The following QTMAN variants were observed in gnomAD, a reference collection of about 807,000 sequenced individuals.
QTMAN encodes queuosine-tRNA mannosyltransferase.
the QTMAN span, among the ~76,000 whole-genome samples, chr2:144,050,561 C>T: frequency 6.6e-6 from 1 of 152,060 alleles, no homozygotes; most frequent in African/African-American, 2.4e-5. Context: ...GTAATGGTAA[C>T]AGATTTATAA....
At chr2:144,260,201 T>A in the QTMAN span, among the ~76,000 whole-genome samples, 1 of 152,284 alleles carries the variant, frequency 6.6e-6, no homozygotes, top group South Asian at 2.1e-4. Flanking sequence ...TTACTGTAAT[T>A]CTTTTAATTT....
chr2:144,212,033 C>T, the QTMAN span, among the ~76,000 whole-genome samples: 4 of 152,200 alleles, frequency 2.6e-5, no homozygotes, highest in African/African-American at 9.7e-5. Flanking sequence ...TAGAAGGAGG[C>T]TGTGGTCAAG....
chr2:144,109,672 T>A, the QTMAN span, among the ~76,000 whole-genome samples: 4 of 151,300 alleles, frequency 2.6e-5, 1 homozygote, highest in Non-Finnish European at 5.9e-5. Context: ...ATATCCAGAA[T>A]CTACAATAAC....
chr2:144,229,896 A>G, the QTMAN span, among the ~76,000 whole-genome samples: 6 of 152,166 alleles, frequency 3.9e-5, no homozygotes, highest in Non-Finnish European at 7.4e-5. Context: ...ACAATGCTAC[A>G]TTCTTTTTCC....
At chr2:144,135,282 C>T in the QTMAN span, among the ~76,000 whole-genome samples, 1 of 152,136 alleles carries the variant, frequency 6.6e-6, no homozygotes, top group Non-Finnish European at 1.5e-5. Flanking sequence ...TGCGCAGATG[C>T]AGCCTGCTCC....
chr2:144,147,442 T>C, the QTMAN span, among the ~76,000 whole-genome samples: 9 of 151,960 alleles, frequency 5.9e-5, no homozygotes, highest in Non-Finnish European at 1.2e-4. Flanking sequence ...CATGAAGATA[T>C]TTGTTTACCT....
At chr2:144,208,963 CACTT>C in the QTMAN span, among the ~76,000 whole-genome samples, 2 of 152,082 alleles carry the variant, frequency 1.3e-5, no homozygotes, top group African/African-American at 2.4e-5. Flanking sequence ...AAGTATATAA[CACTT>C]AAAGTTTTAT....
chr2:144,323,838 A>G, the QTMAN span, among the ~76,000 whole-genome samples: 1 of 152,276 alleles, frequency 6.6e-6, no homozygotes, highest in South Asian at 2.1e-4. Context: ...CTCACCCTAA[A>G]CCTATTAGTT....
At chr2:144,185,052 G>A in the QTMAN span, among the ~76,000 whole-genome samples, 4 of 151,898 alleles carry the variant, frequency 2.6e-5, no homozygotes, top group South Asian at 2.1e-4. Flanking sequence ...CAAATGATAC[G>A]GTATGTGAGA....
chr2:144,322,379 G>C, the QTMAN span, among the ~76,000 whole-genome samples: 1 of 152,136 alleles, frequency 6.6e-6, no homozygotes, highest in East Asian at 1.9e-4. Flanking sequence ...TAAAAACTTA[G>C]TAAGATAACA....
chr2:144,138,510 G>A, the QTMAN span, among the ~76,000 whole-genome samples: 369 of 152,130 alleles, frequency 2.4e-3, 5 homozygotes, highest in African/African-American at 8.5e-3. Flanking sequence ...CAGAAGAAAG[G>A]AAAATTGATG....
At chr2:144,301,548 CTA>C in the QTMAN span, among the ~76,000 whole-genome samples, 32 of 152,146 alleles carry the variant, frequency 2.1e-4, no homozygotes, top group African/African-American at 7.2e-4. Flanking sequence ...AATTAACAAA[CTA>C]TGAATTTCCA....
At chr2:144,016,726 AG>A in the QTMAN span, among the ~76,000 whole-genome samples, 2 of 152,162 alleles carry the variant, frequency 1.3e-5, no homozygotes, top group Non-Finnish European at 2.9e-5. Context: ...AACAAATATA[AG>A]AATTCCCCTA....
chr2:144,253,367 GA>G, the QTMAN span, among the ~76,000 whole-genome samples: 2 of 152,118 alleles, frequency 1.3e-5, no homozygotes, highest in African/African-American at 4.8e-5. Flanking sequence ...AAAGACAGCA[GA>G]AAATGTGGAA....
At chr2:144,028,834 T>C in the QTMAN span, among the ~76,000 whole-genome samples, 1 of 152,250 alleles carries the variant, frequency 6.6e-6, no homozygotes, top group Non-Finnish European at 1.5e-5. Flanking sequence ...GTTTTACTTG[T>C]ATTTTGCTTG....
At chr2:144,263,671 C>T in the QTMAN span, among the ~76,000 whole-genome samples, 11 of 152,184 alleles carry the variant, frequency 7.2e-5, no homozygotes, top group East Asian at 3.9e-4. Context: ...TGCAGTGAGC[C>T]GAGATTGTGC....
At chr2:144,220,896 T>C in the QTMAN span, among the ~76,000 whole-genome samples, 8 of 152,236 alleles carry the variant, frequency 5.3e-5, no homozygotes, top group Admixed American at 2.6e-4. Context: ...ATTACCCTTG[T>C]TCAATGTACC....
At chr2:144,246,151 T>C in the QTMAN span, among the ~76,000 whole-genome samples, 2 of 152,210 alleles carry the variant, frequency 1.3e-5, no homozygotes, top group Non-Finnish European at 2.9e-5. Context: ...TATGAGTACA[T>C]ATGCACATGG....
At chr2:144,098,327 A>G in the QTMAN span, among the ~76,000 whole-genome samples, 1 of 152,236 alleles carries the variant, frequency 6.6e-6, no homozygotes, top group Non-Finnish European at 1.5e-5. Flanking sequence ...AACATAGCTC[A>G]ACAATGTGAG....
Sources: allele counts gnomAD v4.1 joint callset (sites outside exome capture counted in the v4.1 genomes callset), GRCh38; gene constraint gnomAD v4.1.1; transcripts MANE v1.5; gene names NCBI Gene and HGNC (gene_info 2026-07-23, HGNC 2026-07-21).